Variants in ASTN2 observed in about 807,000 individuals in gnomAD.
ASTN2 encodes the protein astrotactin 2, also known as astrotactin-2.
A neutral mutation model predicts 139.8 loss-of-function variants in ASTN2; 54 were observed. The ratio of observed to expected loss-of-function variants is 0.39; its 90% confidence interval spans 0.31 to 0.48. The LOEUF (loss-of-function observed/expected upper bound fraction) is 0.48, where lower values mean the gene tolerates loss of function less well. Ranked by LOEUF, ASTN2 falls within the 20% of genes least tolerant of loss-of-function variation. ASTN2 has a pLI of 0.95. For missense variants in ASTN2, 1,565 were observed against 1,725.1 expected (o/e 0.91, Z 1.64); for synonymous variants, 756 against 719.5 (o/e 1.05, Z -0.81).
chr9:116,839,881 A>T (rs12554223), intron 11 of ASTN2, among the ~76,000 whole-genome samples: 2,312 of 127,910 alleles, frequency 0.018, 19 homozygotes, highest in Non-Finnish European at 0.021. Context: ...TATTATTATT[A>T]TTTTTTTTTT....
chr9:117,413,454 C>G (rs1276219117), intron 1 of ASTN2, among the ~76,000 whole-genome samples: 8 of 152,232 alleles, frequency 5.3e-5, no homozygotes. Flanking sequence ...ACCAATAAGG[C>G]CCCGCGCCCC....
intron 19 of ASTN2, among the ~76,000 whole-genome samples, chr9:116,497,868 ATGTTATATCAT>A (rs1169109656): frequency 6.6e-6 from 1 of 152,100 alleles, no homozygotes; most frequent in African/African-American, 2.4e-5. Flanking sequence ...CCATTCCCAA[ATGTTATATCAT>A]TGTAAAGTGG....
intron 1 of ASTN2, among the ~76,000 whole-genome samples, chr9:117,374,362 G>A (rs1452667222): frequency 8.3e-6 from 1 of 120,116 alleles, no homozygotes; most frequent in Non-Finnish European, 1.7e-5. Context: ...CTGCATAAGG[G>A]CAGGGTTAAA....
At chr9:116,769,814 G>T (rs911567954) in intron 13 of ASTN2, among the ~76,000 whole-genome samples, 2 of 152,124 alleles carry the variant, frequency 1.3e-5, no homozygotes, top group Non-Finnish European at 2.9e-5. Context: ...CAAGGTCGAG[G>T]CAGGAGAATC....
intron 1 of ASTN2, among the ~76,000 whole-genome samples, chr9:117,369,509 C>A (rs185848533): frequency 2.0e-5 from 3 of 152,170 alleles, no homozygotes; most frequent in South Asian, 2.1e-4. Flanking sequence ...ATCATATAGA[C>A]CCTGCCTGCC....
At chr9:117,310,491 G>A (rs1383142641) in intron 1 of ASTN2, among the ~76,000 whole-genome samples, 10 of 152,174 alleles carry the variant, frequency 6.6e-5, no homozygotes, top group Admixed American at 5.9e-4. Context: ...ATGCAGGGCA[G>A]GCCAGAAATG....
chr9:116,616,951 A>G (rs930448188), intron 19 of ASTN2, among the ~76,000 whole-genome samples: 1 of 152,208 alleles, frequency 6.6e-6, no homozygotes, highest in African/African-American at 2.4e-5. Flanking sequence ...TATGCACTCC[A>G]TACAGAGTCA....
At chr9:117,393,115 C>T (rs181977965) in intron 1 of ASTN2, among the ~76,000 whole-genome samples, 35 of 152,306 alleles carry the variant, frequency 2.3e-4, no homozygotes, top group African/African-American at 8.2e-4. Context: ...AAGGCCAGCC[C>T]CTCCTCAGCC....
chr9:117,129,716 A>G (rs536778848), intron 4 of ASTN2, among the ~76,000 whole-genome samples: 51 of 152,156 alleles, frequency 3.4e-4, no homozygotes, highest in African/African-American at 1.2e-3. Flanking sequence ...TTTTTCATTT[A>G]AGCATTTTGA....
intron 3 of ASTN2, among the ~76,000 whole-genome samples, chr9:117,153,727 C>T (rs1323014574): frequency 3.3e-5 from 5 of 152,068 alleles, no homozygotes; most frequent in Admixed American, 6.6e-5. Flanking sequence ...TTCCTTTAGA[C>T]CACATTAGTG....
chr9:117,205,791 G>A (rs377284188), intron 3 of ASTN2, among the ~76,000 whole-genome samples: 32 of 152,276 alleles, frequency 2.1e-4, no homozygotes, highest in Middle Eastern at 3.4e-3. Flanking sequence ...GCTTTCACCC[G>A]TTATCATCAT....
At chr9:117,026,985 T>G (rs1412107408) in intron 6 of ASTN2, among the ~76,000 whole-genome samples, 1 of 152,156 alleles carries the variant, frequency 6.6e-6, no homozygotes, top group Non-Finnish European at 1.5e-5. Context: ...ACTCTGGCAG[T>G]GAGATTCTGT....
intron 6 of ASTN2, among the ~76,000 whole-genome samples, chr9:117,025,293 A>T (rs1478295969): frequency 6.6e-6 from 1 of 152,174 alleles, no homozygotes; most frequent in African/African-American, 2.4e-5. Context: ...TACACTTTAG[A>T]AAACTGCCAA....
intron 20 of ASTN2, among the ~76,000 whole-genome samples, chr9:116,460,705 G>A (rs1848461020): frequency 6.6e-6 from 1 of 152,110 alleles, no homozygotes. Flanking sequence ...GGTCATGGAT[G>A]TATAAGCGGG....
chr9:116,469,351 A>G (rs765517520), intron 20 of ASTN2, among the ~76,000 whole-genome samples: 5 of 152,058 alleles, frequency 3.3e-5, no homozygotes, highest in Non-Finnish European at 5.9e-5. Flanking sequence ...TCATAGAACC[A>G]GTTCACCAAT....
chr9:116,893,194 C>T (rs1833806161), intron 10 of ASTN2, among the ~76,000 whole-genome samples: 1 of 144,876 alleles, frequency 6.9e-6, no homozygotes, highest in Non-Finnish European at 1.5e-5. Flanking sequence ...CACACACACA[C>T]TTTAGAATCT....
At chr9:116,618,509 C>A in intron 18 of ASTN2, 37 bp from the exon 19 acceptor site, 1 of 1,578,940 alleles carries the variant, frequency 6.3e-7, no homozygotes, top group Non-Finnish European at 8.6e-7. Context: ...TGTTTGGCAG[C>A]CAGCACCAGC....
intron 16 of ASTN2, among the ~76,000 whole-genome samples, chr9:116,680,831 T>C (rs1261594214): frequency 6.6e-6 from 1 of 152,176 alleles, no homozygotes; most frequent in Non-Finnish European, 1.5e-5. Context: ...ACAACCTTCA[T>C]GCTAAAAACT....
At chr9:116,860,201 G>C (rs567172115) in intron 11 of ASTN2, among the ~76,000 whole-genome samples, 1 of 151,986 alleles carries the variant, frequency 6.6e-6, no homozygotes, top group Non-Finnish European at 1.5e-5. Context: ...GAGGTGGGAG[G>C]CAGAAAAAAA....
Sources: allele counts gnomAD v4.1 joint callset (sites outside exome capture counted in the v4.1 genomes callset), GRCh38; gene constraint gnomAD v4.1.1; transcripts MANE v1.5; gene names NCBI Gene and HGNC (gene_info 2026-07-23, HGNC 2026-07-21).